Variants in SCAPER observed in about 807,000 individuals in gnomAD.
SCAPER encodes the protein S-phase cyclin A associated protein in the ER.
SCAPER carries 98 observed loss-of-function variants against 182.2 expected under a neutral mutation model. The ratio of observed to expected loss-of-function variants is 0.54; its 90% CI spans 0.46 to 0.64. The LOEUF (loss-of-function observed/expected upper bound fraction) is 0.64. Among genes scored for constraint, SCAPER ranks in the 30% least tolerant of loss-of-function variants. The pLI is 0.00. For synonymous variants in SCAPER, 605 were observed against 564.6 expected (o/e 1.07, Z -1.01); for missense variants, 1,432 against 1,690.0 (o/e 0.85, Z 2.68).
At chr15:76,635,405 C>T (rs1185065607) in intron 21 of SCAPER, among the ~76,000 whole-genome samples, 2 of 152,174 alleles carry the variant, frequency 1.3e-5, no homozygotes, top group Admixed American at 1.3e-4. Context: ...GGAAATTCAA[C>T]ATAGACAGTG....
intron 28 of SCAPER, among the ~76,000 whole-genome samples, chr15:76,379,344 A>C (rs1259501584): frequency 6.6e-6 from 1 of 152,228 alleles, no homozygotes; most frequent in Non-Finnish European, 1.5e-5. Context: ...ATAGAGTTGC[A>C]TGAGAAGAAG....
rs2056954457 is a variant in SCAPER, at chr15:76,670,740, T to A, written c.2509-4951A>T. 3.3e-5 allele frequency among the ~76,000 whole-genome samples: 5 copies of A among 152,212 alleles called. No individual in the cohort carries two copies. In the South Asian group the frequency reaches 6.2e-4, roughly 19 times the overall value. ...TAGTATGCTTGACCATTTGTCTGCA[T>A]TTTGTTTTCTGTGACTTAGGATGTT... On this transcript the variant is annotated intron_variant, in intron 20 of 31. Transcript: ENST00000563290.
chr15:76,377,353 G>A (rs116077931), intron 28 of SCAPER, among the ~76,000 whole-genome samples: 1 of 151,610 alleles, frequency 6.6e-6, no homozygotes, highest in Non-Finnish European at 1.5e-5. Flanking sequence ...GAAGGACTTT[G>A]CTCCTTTAAA....
At chr15:76,348,850 A>C in intron 31 of SCAPER, 114 bp from the exon 32 acceptor site, 1 of 625,038 alleles carries the variant, frequency 1.6e-6, no homozygotes, top group Non-Finnish European at 2.8e-6. Context: ...ATCCACTTCA[A>C]ATAAACCATG....
chr15:76,883,323 C>T, intron 2 of SCAPER, among the ~76,000 whole-genome samples: 1 of 152,120 alleles, frequency 6.6e-6, no homozygotes, highest in Non-Finnish European at 1.5e-5. Context: ...TTGGAATTGC[C>T]TGAAAAATCT....
At chr15:76,435,538 G>A (rs1239908838) in intron 25 of SCAPER, among the ~76,000 whole-genome samples, 1 of 152,048 alleles carries the variant, frequency 6.6e-6, no homozygotes, top group Non-Finnish European at 1.5e-5. Flanking sequence ...TAGACTGGTA[G>A]CTCTCTAGGC....
intron 5 of SCAPER, among the ~76,000 whole-genome samples, chr15:76,841,290 TC>T (rs1179617767): frequency 6.6e-6 from 1 of 152,140 alleles, no homozygotes; most frequent in African/African-American, 2.4e-5. Flanking sequence ...GAACAATTTT[TC>T]ATAAGAGGTA....
At chr15:76,727,929 C>T (rs1188905990) in intron 17 of SCAPER, among the ~76,000 whole-genome samples, 1 of 151,876 alleles carries the variant, frequency 6.6e-6, no homozygotes, top group East Asian at 1.9e-4. Context: ...CTGAACAGCT[C>T]ATAAACATGT....
chr15:76,866,923 C>T lies in SCAPER; in HGVS notation c.7-4390G>A, dbSNP rs139748616. ...CAAAGTCACAGTGTGCCACCTAGTGCTGTATGGAGATTTTACAGAGGCCTG... is the reference window on the plus strand; with the variant it reads ...CAAAGTCACAGTGTGCCACCTAGTGTTGTATGGAGATTTTACAGAGGCCTG... On this transcript the variant is annotated intron_variant, in intron 2 of 31. Coordinates refer to ENST00000563290, the MANE Select transcript of SCAPER (RefSeq NM_020843.4). Among the ~76,000 whole-genome samples, 367 of 152,130 alleles carry T rather than the reference C, an allele frequency of 2.4e-3. 2 individuals carry two copies. The highest frequency in any genetic ancestry group is 8.4e-3 in the African/African-American group (349 of 41,524).
chr15:76,437,904 T>C (rs2047301284), intron 25 of SCAPER, among the ~76,000 whole-genome samples: 1 of 152,208 alleles, frequency 6.6e-6, no homozygotes, highest in African/African-American at 2.4e-5. Context: ...CCTCAGGCTT[T>C]TGTCCAGACC....
At chr15:76,711,530 G>A (rs572001797) in intron 17 of SCAPER, among the ~76,000 whole-genome samples, 1 of 152,296 alleles carries the variant, frequency 6.6e-6, no homozygotes, top group Admixed American at 6.5e-5. Flanking sequence ...CCACCAAATG[G>A]TGTCAAGGGT....
intron 14 of SCAPER, among the ~76,000 whole-genome samples, chr15:76,758,809 G>C (rs1261165893): frequency 6.6e-6 from 1 of 152,052 alleles, no homozygotes; most frequent in Non-Finnish European, 1.5e-5. Flanking sequence ...CCCTGCTTAA[G>C]TTAATTCCTA....
intron 17 of SCAPER, among the ~76,000 whole-genome samples, chr15:76,723,747 C>T (rs143052368): frequency 5.5e-4 from 83 of 152,156 alleles, no homozygotes; most frequent in African/African-American, 2.0e-3. Context: ...GGATTGCAAC[C>T]CCTGCCTTTT....
chr15:76,511,595 T>C (rs910135643), intron 23 of SCAPER, among the ~76,000 whole-genome samples: 1 of 152,140 alleles, frequency 6.6e-6, no homozygotes, highest in African/African-American at 2.4e-5. Flanking sequence ...ACCAAATTCC[T>C]TATATAACCT....
chr15:76,577,489 G>A (rs1016662007), intron 22 of SCAPER, among the ~76,000 whole-genome samples: 16 of 152,124 alleles, frequency 1.1e-4, no homozygotes, highest in African/African-American at 3.9e-4. Context: ...ACTTTGTCTT[G>A]CAACTTGGAA....
In SCAPER at chr15:76,598,152, G is replaced by C. The variant is rs1253189976; in HGVS notation, c.2711+23612C>G. Among the ~76,000 whole-genome samples, 4 of 119,566 alleles carry C rather than the reference G, an allele frequency of 3.3e-5. 2 individuals are homozygous for C. Among genetic ancestry groups the C allele is most frequent in the Non-Finnish European group, 8.1e-5 (4 of 49,554 alleles). The allele number at this position is 119,566 out of a possible 152,430, so 78.4% of individuals were successfully genotyped here. On this transcript the variant is annotated intron_variant, in intron 22 of 31. Transcript: ENST00000563290. The stretch of plus-strand genomic sequence containing the variant: ...AAAAAGTGGGTGATGGATATGAACA[G>C]ACACTTCTCAAAAGAAGACATTTAT...
chr15:76,739,984 T>C (rs1407594510), intron 15 of SCAPER, among the ~76,000 whole-genome samples: 2 of 152,074 alleles, frequency 1.3e-5, no homozygotes, highest in East Asian at 1.9e-4. Context: ...CTGGGCAACA[T>C]AGCAAGACCT....
rs2044690634 is a variant in SCAPER, at chr15:76,404,569, C to T, written c.3422G>A (p.Gly1141Glu). Reference protein sequence around the residue: ...KMAIFLQHAAGLLHAMCTLCF... With the variant: ...KMAIFLQHAAELLHAMCTLCF... The stretch of plus-strand genomic sequence containing the variant: ...CAGTGTACACATTGCATGTAAGAGT[C>T]CTGCGGCATGCTGCAGAAATATGGC... The change falls in exon 27 of 32, where the codon GGA becomes GAA. Residue 1141 changes from glycine (G) to glutamate (E), a missense_variant. Physicochemically the swap from Gly to Glu is moderately conservative, Grantham distance 98. Around this residue, in one of 5 missense-constraint regions of SCAPER, gnomAD observed 718 missense variants for 799.7 expected, o/e 0.90. Coordinates refer to ENST00000563290, the MANE Select transcript of SCAPER (RefSeq NM_020843.4). The T allele has an allele frequency of 2.5e-6, 4 of 1,613,376 alleles. No homozygotes were observed. Among genetic ancestry groups the T allele is most frequent in the Admixed American group, 3.3e-5 (2 of 59,974 alleles).
chr15:76,585,345 G>A (rs2048564626), intron 22 of SCAPER, among the ~76,000 whole-genome samples: 1 of 151,986 alleles, frequency 6.6e-6, no homozygotes, highest in African/African-American at 2.4e-5. Flanking sequence ...AAAAAAAGTT[G>A]AGTAATGGCA....
Sources: gnomAD v4.1 joint callset for allele counts (sites outside exome capture counted in the v4.1 genomes callset) on GRCh38, gnomAD v4.1.1 for gene constraint, gnomAD v4.1.1 regional missense constraint, MANE v1.5 for transcripts, NCBI Gene and HGNC (gene_info 2026-07-23, HGNC 2026-07-21) for gene names.